Variants in SCARA5 observed in about 807,000 individuals in gnomAD.
SCARA5 encodes the protein scavenger receptor class A, member 5 (putative).
A neutral mutation model predicts 46.3 loss-of-function variants in SCARA5; 45 were observed. That is an observed-to-expected ratio of 0.97 (90% CI 0.76 to 1.24). The LOEUF is 1.24. SCARA5 is among the 50% of genes most tolerant of loss of function. SCARA5 has a pLI of 0.00. For synonymous variants in SCARA5, 333 were observed against 306.5 expected, an observed-to-expected ratio of 1.09 and a Z score of -0.90; for missense variants, 680 against 689.0, an observed-to-expected ratio of 0.99 and a Z score of 0.15.
intron 8 of SCARA5, among the ~76,000 whole-genome samples, chr8:27,876,747 T>C (rs1806730712): frequency 1.3e-5 from 2 of 151,258 alleles, no homozygotes; most frequent in African/African-American, 4.9e-5. Context: ...CCAGAGAGAG[T>C]GTGCAGAACA....
intron 7 of SCARA5, among the ~76,000 whole-genome samples, chr8:27,897,595 GGGATGCCAGTCCCT>G (rs1807085016): frequency 6.6e-6 from 1 of 152,234 alleles, no homozygotes; most frequent in African/African-American, 2.4e-5. Flanking sequence ...CAGAGAATTG[GGGATGCCAGTCCCT>G]GGTGGGGAGG....
At chr8:27,881,273 G>A (rs550197075) in intron 7 of SCARA5, among the ~76,000 whole-genome samples, 18 of 152,272 alleles carry the variant, frequency 1.2e-4, no homozygotes, top group African/African-American at 4.3e-4. Context: ...ATTCACAATA[G>A]CAAAGACATG....
chr8:27,975,608 G>A (rs961185698), intron 2 of SCARA5, among the ~76,000 whole-genome samples: 8 of 152,216 alleles, frequency 5.3e-5, no homozygotes, highest in Non-Finnish European at 1.0e-4. Flanking sequence ...TGCAGAATTG[G>A]CTGTTGATGG....
chr8:27,911,047 ATCT>A (rs1162576801), intron 4 of SCARA5, among the ~76,000 whole-genome samples: 1 of 152,180 alleles, frequency 6.6e-6, no homozygotes, highest in African/African-American at 2.4e-5. Flanking sequence ...CAGTTGCAGA[ATCT>A]TCTTGCCAGC....
chr8:27,932,557 C>T (rs1016616077), intron 3 of SCARA5, among the ~76,000 whole-genome samples: 2 of 152,204 alleles, frequency 1.3e-5, no homozygotes, highest in Non-Finnish European at 2.9e-5. Context: ...GAGGCCTCTC[C>T]TCCTGGCTCG....
At chr8:27,876,901 G>A (rs1806733324) in intron 8 of SCARA5, among the ~76,000 whole-genome samples, 1 of 152,142 alleles carries the variant, frequency 6.6e-6, no homozygotes, top group Admixed American at 6.5e-5. Flanking sequence ...TGGGAGTGGG[G>A]TTGGGGCACC....
At chr8:27,963,856 T>C (rs1227781571) in intron 3 of SCARA5, among the ~76,000 whole-genome samples, 2 of 152,084 alleles carry the variant, frequency 1.3e-5, no homozygotes, top group African/African-American at 2.4e-5. Flanking sequence ...TGGGTTGCAG[T>C]GGACAATTTT....
chr8:27,951,074 CTG>C (rs776705303), intron 3 of SCARA5, among the ~76,000 whole-genome samples: 20 of 152,118 alleles, frequency 1.3e-4, no homozygotes, highest in Non-Finnish European at 2.4e-4. Flanking sequence ...GATAAGAAAA[CTG>C]GTGCTCAAAG....
At chr8:27,918,509 GAAAAGGAGGA>G (rs1807504228) in intron 4 of SCARA5, among the ~76,000 whole-genome samples, 1 of 130 alleles carries the variant, frequency 7.7e-3, no homozygotes, top group Admixed American at 0.1. Context: ...GGAAAAAGAG[GAAAAGGAGGA>G]AAAGGAGGAA....
intron 3 of SCARA5, among the ~76,000 whole-genome samples, chr8:27,962,350 A>T (rs1563539557): frequency 6.6e-6 from 1 of 152,262 alleles, no homozygotes; most frequent in Non-Finnish European, 1.5e-5. Context: ...CGAGGAACAC[A>T]TAACTCCTTC....
intron 7 of SCARA5, among the ~76,000 whole-genome samples, chr8:27,901,553 A>G (rs1213185702): frequency 6.6e-6 from 1 of 152,066 alleles, no homozygotes; most frequent in Non-Finnish European, 1.5e-5. Flanking sequence ...TCCCCCACAG[A>G]GCCCGGGTCT....
chr8:27,927,342 T>A (rs1457186729), intron 3 of SCARA5, among the ~76,000 whole-genome samples: 1 of 152,168 alleles, frequency 6.6e-6, no homozygotes, highest in African/African-American at 2.4e-5. Context: ...TTCATTTGGG[T>A]CTTTTATTGC....
chr8:27,912,381 G>A (rs1807392394), intron 4 of SCARA5, among the ~76,000 whole-genome samples: 1 of 152,084 alleles, frequency 6.6e-6, no homozygotes, highest in Admixed American at 6.5e-5. Flanking sequence ...CACGCACGCA[G>A]GGAAAAAAGT....
At chr8:27,932,493 CA>C (rs1807791339) in intron 3 of SCARA5, among the ~76,000 whole-genome samples, 1 of 152,230 alleles carries the variant, frequency 6.6e-6, no homozygotes. Flanking sequence ...TATGGTTTTG[CA>C]GTTACAGAGG....
chr8:27,918,287 A>T (rs918245915), intron 4 of SCARA5, among the ~76,000 whole-genome samples: 2 of 152,194 alleles, frequency 1.3e-5, no homozygotes, highest in Non-Finnish European at 2.9e-5. Flanking sequence ...CCTGCCCTCT[A>T]CAACATCTGC....
intron 2 of SCARA5, among the ~76,000 whole-genome samples, chr8:27,973,894 T>C (rs549882623): frequency 2.0e-5 from 3 of 152,344 alleles, no homozygotes; most frequent in South Asian, 4.1e-4. Context: ...CAAAAGATTG[T>C]ATTATTCCTA....
At chr8:27,944,444 C>T (rs557011483) in intron 3 of SCARA5, among the ~76,000 whole-genome samples, 19 of 152,086 alleles carry the variant, frequency 1.2e-4, no homozygotes, top group South Asian at 4.2e-4. Context: ...TAATAACAAA[C>T]GTGGGGCGAG....
chr8:27,888,559 T>A (rs1180282931), intron 7 of SCARA5, among the ~76,000 whole-genome samples: 1 of 152,234 alleles, frequency 6.6e-6, no homozygotes, highest in Non-Finnish European at 1.5e-5. Flanking sequence ...GCCTTGCTTG[T>A]AAGCCATCCA....
chr8:27,910,810 G>A (rs935053298), intron 4 of SCARA5, among the ~76,000 whole-genome samples: 2 of 152,258 alleles, frequency 1.3e-5, no homozygotes, highest in African/African-American at 4.8e-5. Context: ...TTGGATGGAA[G>A]AGGGGTTTCT....
Sources: allele counts gnomAD v4.1 joint callset (sites outside exome capture counted in the v4.1 genomes callset), GRCh38; gene constraint gnomAD v4.1.1; transcripts MANE v1.5; gene names NCBI Gene and HGNC (gene_info 2026-07-23, HGNC 2026-07-21).